The following NOX4 variants were observed in gnomAD, a reference collection of about 807,000 sequenced individuals.
The protein encoded by NOX4 is NADPH oxidase 4.
A neutral mutation model predicts 87.6 loss-of-function variants in NOX4; 69 were observed. The observed-to-expected ratio is 0.79, with a 90% CI of 0.65 to 0.96. The LOEUF (loss-of-function observed/expected upper bound fraction) is 0.96, where lower values mean the gene tolerates loss of function less well. Among genes scored for constraint, NOX4 ranks in the 40% least tolerant of loss-of-function variants. NOX4 has a pLI of 0.00. For synonymous variants in NOX4, 275 were observed against 238.2 expected (o/e 1.15, Z -1.42); for missense variants, 680 against 681.5 (o/e 1.00, Z 0.02).
intron 13 of NOX4, among the ~76,000 whole-genome samples, chr11:89,347,307 G>T (rs1488995452): frequency 3.9e-5 from 6 of 152,148 alleles, no homozygotes; most frequent in Admixed American, 2.0e-4. Context: ...GATTTAGAAT[G>T]GATTGAAGAT....
the NOX4 span, among the ~76,000 whole-genome samples, chr11:89,507,860 C>T: frequency 6.0e-5 from 9 of 151,148 alleles, no homozygotes; most frequent in Admixed American, 1.3e-4. Context: ...CCTTTAAAAA[C>T]GTAAGAATTT....
At chr11:89,490,743 GC>G in intron 1 of NOX4, 190 bp from the exon 2 acceptor site, 2 of 700,202 alleles carry the variant, frequency 2.9e-6, no homozygotes, top group Non-Finnish European at 5.2e-6. Context: ...ACTTTACCCA[GC>G]CCTTTCACCT....
Position 89,412,935 on chromosome 11 carries a change from A to T in NOX4, c.629+8967T>A, listed in dbSNP as rs184301630. ...AATATTTGCAAACTATCCATCTGAC[A>T]AGAGATTAGTAACCAAAATATATAA... is the stretch of plus-strand genomic sequence containing the variant. On this transcript the variant is annotated intron_variant, in intron 8 of 17. Transcript: ENST00000263317. Among the ~76,000 whole-genome samples the T allele has an allele frequency of 2.6e-5, 4 of 152,316 alleles. No homozygotes were observed. In the East Asian group the frequency reaches 7.7e-4, roughly 29 times the overall value.
the NOX4 span, among the ~76,000 whole-genome samples, chr11:89,552,431 T>C: frequency 2.6e-5 from 4 of 152,208 alleles, no homozygotes; most frequent in African/African-American, 9.6e-5. Flanking sequence ...TTTATCTTTC[T>C]GTCTCTTTTC....
At chr11:89,588,311 A>T in the NOX4 span, among the ~76,000 whole-genome samples, 10 of 152,204 alleles carry the variant, frequency 6.6e-5, no homozygotes, top group African/African-American at 2.4e-4. Context: ...TAGGCTAAAC[A>T]TAGCTATTTT....
At chr11:89,402,617 A>G (rs1448576840) in intron 8 of NOX4, 75 bp from the exon 9 acceptor site, 24 of 1,213,570 alleles carry the variant, frequency 2.0e-5, no homozygotes, top group African/African-American at 3.0e-5. Context: ...AAAGAAAATA[A>G]TGTTTTTGTT....
At chr11:89,400,106 T>G (rs776102596) in intron 10 of NOX4, 27 bp from the exon 11 acceptor site, 14 of 1,583,356 alleles carry the variant, frequency 8.8e-6, no homozygotes, top group Non-Finnish European at 1.2e-5. Flanking sequence ...AGATAAGTTT[T>G]AAATGACCAA....
At chr11:89,460,455 A>T (rs1945404929) in intron 2 of NOX4, among the ~76,000 whole-genome samples, 1 of 152,212 alleles carries the variant, frequency 6.6e-6, no homozygotes, top group African/African-American at 2.4e-5. Flanking sequence ...GAACTCAAAC[A>T]AATTTACAAG....
At chr11:89,401,585 T>C (rs1165551662) in intron 9 of NOX4, among the ~76,000 whole-genome samples, 1 of 152,082 alleles carries the variant, frequency 6.6e-6, no homozygotes. Context: ...AAAGGTGTAA[T>C]TTGCACGGGG....
At chr11:89,454,872 C>G (rs1178391804) in intron 2 of NOX4, among the ~76,000 whole-genome samples, 3 of 152,178 alleles carry the variant, frequency 2.0e-5, no homozygotes, top group East Asian at 3.9e-4. Context: ...TTACAGATGA[C>G]TTGTATAAAG....
At chr11:89,518,278 T>C in the NOX4 span, among the ~76,000 whole-genome samples, 4 of 151,848 alleles carry the variant, frequency 2.6e-5, no homozygotes, top group African/African-American at 9.7e-5. Flanking sequence ...CCTTAATTCA[T>C]ACCAACCAAA....
At chr11:89,557,654 T>C in the NOX4 span, among the ~76,000 whole-genome samples, 1 of 152,134 alleles carries the variant, frequency 6.6e-6, no homozygotes, top group Non-Finnish European at 1.5e-5. Flanking sequence ...AGCAGGTTTA[T>C]TGGCACATGG....
chr11:89,401,959 C>A (rs982579017), intron 9 of NOX4, among the ~76,000 whole-genome samples: 1 of 151,690 alleles, frequency 6.6e-6, no homozygotes, highest in Non-Finnish European at 1.5e-5. Context: ...TAATATAATA[C>A]AATAAAATAA....
the NOX4 span, among the ~76,000 whole-genome samples, chr11:89,582,500 G>C: frequency 2.6e-5 from 4 of 152,046 alleles, no homozygotes; most frequent in Non-Finnish European, 4.4e-5. Context: ...TTCCCACCAA[G>C]AGTGTACAAG....
the NOX4 span, among the ~76,000 whole-genome samples, chr11:89,511,888 G>A: frequency 2.0e-5 from 3 of 151,974 alleles, no homozygotes; most frequent in Non-Finnish European, 4.4e-5. Flanking sequence ...CTTTTAAGAC[G>A]AGGACAATTT....
chr11:89,501,658 G>A (rs1350650399), upstream of NOX4, among the ~76,000 whole-genome samples: 3 of 151,964 alleles, frequency 2.0e-5, no homozygotes, highest in African/African-American at 7.2e-5. Flanking sequence ...CTTCCAAGCC[G>A]AACCAAGGAG....
At chr11:89,342,381 TA>T (rs1262863984) in intron 13 of NOX4, among the ~76,000 whole-genome samples, 188 bp from the exon 14 acceptor site, 1 of 152,174 alleles carries the variant, frequency 6.6e-6, no homozygotes, top group Admixed American at 6.5e-5. Flanking sequence ...AAGATTAAAA[TA>T]AATACGTCTG....
At chr11:89,465,842 ATTTG>A in intron 2 of NOX4, among the ~76,000 whole-genome samples, 1 of 151,450 alleles carries the variant, frequency 6.6e-6, no homozygotes, top group Middle Eastern at 3.4e-3. Flanking sequence ...TTTCTTGTAA[ATTTG>A]TTTAAGTTCT....
the NOX4 span, among the ~76,000 whole-genome samples, chr11:89,574,263 C>T: frequency 6.6e-6 from 1 of 152,126 alleles, no homozygotes; most frequent in African/African-American, 2.4e-5. Context: ...GATTCCAACC[C>T]ATTCTCAAGG....
Sources: gnomAD v4.1 joint callset for allele counts (sites outside exome capture counted in the v4.1 genomes callset) on GRCh38, gnomAD v4.1.1 for gene constraint, MANE v1.5 for transcripts, NCBI Gene and HGNC (gene_info 2026-07-23, HGNC 2026-07-21) for gene names.